Variants in ZCCHC7 observed in about 807,000 individuals in gnomAD.
The protein encoded by ZCCHC7 is zinc finger CCHC domain-containing protein 7.
A neutral mutation model predicts 52.0 loss-of-function variants in ZCCHC7; 35 were observed. The ratio of observed to expected loss-of-function variants is 0.67; its 90% CI spans 0.51 to 0.89. The LOEUF (loss-of-function observed/expected upper bound fraction) is 0.89, where lower values mean the gene tolerates loss of function less well. ZCCHC7 is among the 40% of genes least tolerant of loss of function. The pLI, the probability that ZCCHC7 is intolerant of heterozygous loss-of-function variation, is 0.00. For synonymous variants in ZCCHC7, 217 were observed against 221.5 expected (o/e 0.98, Z 0.18); for missense variants, 574 against 649.1 (o/e 0.88, Z 1.26).
At chr9:37,269,446 C>T (rs916725948) in intron 2 of ZCCHC7, among the ~76,000 whole-genome samples, 1 of 151,230 alleles carries the variant, frequency 6.6e-6, no homozygotes, top group African/African-American at 2.4e-5. Flanking sequence ...AGTGAGATCT[C>T]ATCTCTACTA....
intron 6 of ZCCHC7, among the ~76,000 whole-genome samples, chr9:37,332,131 G>A (rs891311576): frequency 1.7e-4 from 25 of 151,458 alleles, no homozygotes; most frequent in African/African-American, 6.0e-4. Context: ...TGATTGATCA[G>A]GTGTTGCTAT....
intron 2 of ZCCHC7, among the ~76,000 whole-genome samples, chr9:37,150,330 AT>A (rs764314959): frequency 1.3e-5 from 2 of 152,376 alleles, no homozygotes; most frequent in East Asian, 3.9e-4. Context: ...AGTAAACAAA[AT>A]CAGCTCTAAC....
rs577254486 is a variant in ZCCHC7 at position 37,303,457 on chromosome 9, C to T, written c.655-731C>T. Among the ~76,000 whole-genome samples the T allele has an allele frequency of 2.7e-5, 4 of 150,874 alleles. No individual in the cohort carries two copies. The South Asian group carries it at 6.3e-4, about 24-fold the overall frequency. On this transcript the variant is annotated intron_variant, in intron 3 of 8. Coordinates refer to ENST00000336755, the MANE Select transcript of ZCCHC7 (RefSeq NM_032226.3). The stretch of plus-strand genomic sequence containing the variant: ...AAAAAAAGAAAGAAAGAAAAGAAGT[C>T]AGCAGTGGCTTTGACTGAATGCTAC...
chr9:37,138,881 A>G (rs1554700101), intron 2 of ZCCHC7, among the ~76,000 whole-genome samples: 1 of 151,924 alleles, frequency 6.6e-6, no homozygotes, highest in Non-Finnish European at 1.5e-5. Context: ...ATCTAAGAAG[A>G]TAAGTATGAT....
intron 2 of ZCCHC7, among the ~76,000 whole-genome samples, chr9:37,210,502 A>C (rs1824159931): frequency 1.3e-5 from 2 of 152,206 alleles, no homozygotes; most frequent in African/African-American, 4.8e-5. Context: ...AAGATTTTTC[A>C]GGAGTAGTGT....
intron 2 of ZCCHC7, chr9:37,284,449 GTGTT>G (rs1828117386): frequency 6.6e-6 from 1 of 152,056 alleles, no homozygotes; most frequent in Non-Finnish European, 1.5e-5. Flanking sequence ...TTGATCAATA[GTGTT>G]TGTTAAATTT....
chr9:37,265,825 T>C (rs878899526), intron 2 of ZCCHC7, among the ~76,000 whole-genome samples: 1 of 152,172 alleles, frequency 6.6e-6, no homozygotes, highest in Non-Finnish European at 1.5e-5. Flanking sequence ...CCCTCAGTGT[T>C]GGCCCTAGTC....
At chr9:37,351,547 T>C (rs1564273673) in intron 7 of ZCCHC7, among the ~76,000 whole-genome samples, 1 of 152,114 alleles carries the variant, frequency 6.6e-6, no homozygotes, top group East Asian at 1.9e-4. Flanking sequence ...CCTCAAGCAA[T>C]CCTCCCTCCT....
rs1169823280 is a variant in ZCCHC7 at position 37,309,192 on chromosome 9, C to G, written c.951+3478C>G. On this transcript the variant is annotated intron_variant, in intron 5 of 8. Transcript: ENST00000336755. The stretch of plus-strand genomic sequence containing the variant: ...CACCTGGTGTAGGATTCCCTCGCAG[C>G]CCAGTCAAGCCTGGGCTCTACTGAC... 2.0e-5 allele frequency among the ~76,000 whole-genome samples: 3 copies of G among 152,252 alleles called. No homozygotes were observed. In the South Asian group the frequency reaches 6.2e-4, roughly 32 times the overall value.
Position 37,126,609 on chromosome 9 carries a change from A to T in ZCCHC7, c.277A>T (p.Thr93Ser), listed in dbSNP as rs749082368. ...GCTGTCAGATGGGTCAGAGGTCATC[A>T]CTTTGTCTGATGAAGACAGTATTTA... ...IQLSDGSEVITLSDEDSIYRC... is the reference protein window; with the variant it reads ...IQLSDGSEVISLSDEDSIYRC... Residue 93 changes from threonine to serine, a missense_variant, in exon 2 of 9, where the codon ACT becomes TCT. Around this residue, in one of 3 missense-constraint regions of ZCCHC7, gnomAD observed 403 missense variants for 461.2 expected, o/e 0.87. Coordinates refer to ENST00000336755, the MANE Select transcript of ZCCHC7 (RefSeq NM_032226.3). 6.2e-7 allele frequency: 1 copy of T among 1,614,208 alleles called. No homozygotes were observed. The highest frequency in any genetic ancestry group is 8.5e-7 in the Non-Finnish European group (1 of 1,180,032).
chr9:37,143,833 A>G (rs576143546), intron 2 of ZCCHC7, among the ~76,000 whole-genome samples: 1 of 151,992 alleles, frequency 6.6e-6, no homozygotes. Context: ...TCAGTGAAGT[A>G]ATTTTTTGAT....
chr9:37,190,469 A>G (rs1028212125), intron 2 of ZCCHC7, among the ~76,000 whole-genome samples: 2 of 152,192 alleles, frequency 1.3e-5, no homozygotes, highest in African/African-American at 4.8e-5. Context: ...GAAAAATACT[A>G]AATCATCTGT....
At chr9:37,135,289 A>G (rs1459996143) in intron 2 of ZCCHC7, among the ~76,000 whole-genome samples, 1 of 152,242 alleles carries the variant, frequency 6.6e-6, no homozygotes. Flanking sequence ...GTCTTAAAAT[A>G]TATTTTAAAC....
At chr9:37,284,367 A>G (rs1828112790) in intron 2 of ZCCHC7, 1 of 152,212 alleles carries the variant, frequency 6.6e-6, no homozygotes, top group Non-Finnish European at 1.5e-5. Context: ...CTGTGTATAT[A>G]CATATTTATG....
chr9:37,349,246 A>G (rs1821212342), intron 6 of ZCCHC7, 111 bp from the exon 7 acceptor site: 2 of 1,044,874 alleles, frequency 1.9e-6, no homozygotes, highest in East Asian at 4.9e-5. Context: ...TCTCCATACA[A>G]AACTCTAAGA....
intron 2 of ZCCHC7, among the ~76,000 whole-genome samples, chr9:37,161,574 C>CA (rs544563693): frequency 2.1e-3 from 294 of 137,010 alleles, no homozygotes; most frequent in Non-Finnish European, 3.1e-3. Flanking sequence ...GACTCTGTCT[C>CA]AAAAAAAAAA....
intron 5 of ZCCHC7, among the ~76,000 whole-genome samples, chr9:37,324,908 G>GA (rs2118090737): frequency 6.6e-6 from 1 of 152,314 alleles, no homozygotes; most frequent in South Asian, 2.1e-4. Flanking sequence ...TCTGCTGTCA[G>GA]GGGCTGTTTA....
chr9:37,263,666 T>G (rs527488569), intron 2 of ZCCHC7, among the ~76,000 whole-genome samples: 4 of 152,192 alleles, frequency 2.6e-5, no homozygotes, highest in Non-Finnish European at 5.9e-5. Context: ...ATTTTTCACG[T>G]GGCAAATTTC....
chr9:37,306,631 A>G (rs148543098), intron 5 of ZCCHC7, among the ~76,000 whole-genome samples: 3,326 of 145,938 alleles, frequency 0.023, 59 homozygotes, highest in Non-Finnish European at 0.036. Flanking sequence ...ACACCTGGCT[A>G]ATTTTTTATT....
Sources: gnomAD v4.1 joint callset for allele counts (sites outside exome capture counted in the v4.1 genomes callset) on GRCh38, gnomAD v4.1.1 for gene constraint, gnomAD v4.1.1 regional missense constraint, MANE v1.5 for transcripts, NCBI Gene and HGNC (gene_info 2026-07-23, HGNC 2026-07-21) for gene names.